The following API5 variants were observed in gnomAD, a reference collection of about 807,000 sequenced individuals.
API5 encodes FIF.
API5 carries 6 observed loss-of-function variants against 71.9 expected under a neutral mutation model. That is an observed-to-expected ratio of 0.08 (90% CI 0.05 to 0.16). The LOEUF is 0.16. Among genes scored for constraint, API5 ranks in the 10% least tolerant of loss-of-function variants. The pLI, the probability that API5 is intolerant of heterozygous loss-of-function variation, is 1.00. For missense variants in API5, 332 were observed against 612.8 expected, an observed-to-expected ratio of 0.54 and a Z score of 4.84; for synonymous variants, 189 against 221.3, an observed-to-expected ratio of 0.85 and a Z score of 1.30.
chr11:43,320,740 AAAAAAG>A, intron 2 of API5, 75 bp from the exon 3 acceptor site: 11 of 1,276,708 alleles, frequency 8.6e-6, no homozygotes, highest in African/African-American at 6.0e-5. Flanking sequence ...TTAAAAAAAA[AAAAAAG>A]AAAGAAAAGA....
chr11:43,312,123 T>C lies in API5; in HGVS notation c.-5T>C. 1 of 1,613,598 alleles carries C rather than the reference T, an allele frequency of 6.2e-7. No homozygotes were observed. The highest frequency in any genetic ancestry group is 8.5e-7 in the Non-Finnish European group (1 of 1,179,900). ...CGGAACCGGGCCCTGGGCTTGTCGC[T>C]CACCATGCCGACAGTAGAGGAGCTT... is the stretch of plus-strand genomic sequence containing the variant. On this transcript the variant is annotated 5_prime_UTR_variant, in exon 1 of 14. Transcript: ENST00000531273.
chr11:43,326,645 G>T (rs1238546980), intron 7 of API5, 34 bp downstream of exon 7: 1 of 1,174,648 alleles, frequency 8.5e-7, no homozygotes, highest in Non-Finnish European at 1.3e-6. Flanking sequence ...CACTGATAAG[G>T]CATTCTTATA....
At position 43,335,854 on chromosome 11, in the gene API5, A is replaced by T; in HGVS notation, c.1356-4A>T. ...TTGAATTGCTCTTCTTCCTATTGTTACAGGCAAAAGAGAGCCAGTGAAGAT... is the reference window on the plus strand; with the variant it reads ...TTGAATTGCTCTTCTTCCTATTGTTTCAGGCAAAAGAGAGCCAGTGAAGAT... On this transcript the variant is annotated splice_region_variant and splice_polypyrimidine_tract_variant and intron_variant, in intron 12 of 13. Coordinates refer to ENST00000531273, the MANE Select transcript of API5 (RefSeq NM_001142930.2). 6.3e-7 allele frequency: 1 copy of T among 1,599,528 alleles called. No individual in the cohort carries two copies. The highest frequency in any genetic ancestry group is 8.5e-7 in the Non-Finnish European group (1 of 1,176,320).
chr11:43,335,468 C>CTAAAT lies in API5; in HGVS notation c.1355+116_1355+117insAATTA, dbSNP rs1204678358. On this transcript the variant is annotated intron_variant, in intron 12 of 13. Coordinates refer to ENST00000531273, the MANE Select transcript of API5 (RefSeq NM_001142930.2). ...TTCATAATAGCATGTTTAAATATGA[C>CTAAAT]TATTAGAAATATGACTTAAAATGTA... The CTAAAT allele has an allele frequency of 7.8e-6, 5 of 644,978 alleles. 1 individual carries two copies. The highest frequency in any genetic ancestry group is 1.3e-5 in the Non-Finnish European group (5 of 380,486). 40.0% of individuals were successfully genotyped at this position (644,978 alleles called of 1,614,324 possible).
rs1590278574 is a variant in API5 at position 43,342,369 on chromosome 11, G to C, written c.1493-59G>C. On this transcript the variant is annotated intron_variant, in intron 13 of 13. Transcript: ENST00000531273. ...CAGAGTTATGAGCTACGTTTCTTCT[G>C]CGTTTGCTGCACCATGAAATCCTAA... is the stretch of plus-strand genomic sequence containing the variant. 9 of 1,434,828 alleles carry C rather than the reference G, an allele frequency of 6.3e-6. No individual in the cohort carries two copies. In the East Asian group the frequency reaches 2.1e-4, roughly 33 times the overall value. The allele number at this position is 1,434,828 out of a possible 1,614,324, so 88.9% of individuals were successfully genotyped here.
rs116822967 is a variant in API5, at chr11:43,339,971, G to A, written c.1493-2457G>A. Among the ~76,000 whole-genome samples, 729 of 152,140 alleles carry A rather than the reference G, an allele frequency of 4.8e-3. 7 individuals carry two copies. The highest frequency in any genetic ancestry group is 0.017 in the African/African-American group (693 of 41,534). ...GGTAGATAAGAGAAAGAAATAAAGG[G>A]CATCCAAACTAGAATGGAGAAGTCA... is the stretch of plus-strand genomic sequence containing the variant. On this transcript the variant is annotated intron_variant, in intron 13 of 13. Coordinates refer to ENST00000531273, the MANE Select transcript of API5 (RefSeq NM_001142930.2).
chr11:43,326,849 A>G (rs1448608196), intron 7 of API5, among the ~76,000 whole-genome samples: 1 of 152,210 alleles, frequency 6.6e-6, no homozygotes, highest in Non-Finnish European at 1.5e-5. Context: ...CTACTTTTGT[A>G]GCCTTAATAT....
At chr11:43,315,345 C>G (rs911806621) in intron 1 of API5, among the ~76,000 whole-genome samples, 5 of 152,056 alleles carry the variant, frequency 3.3e-5, no homozygotes, top group Non-Finnish European at 7.4e-5. Context: ...TTATTTATTT[C>G]TGTACTTAAA....
At chr11:43,329,843 C>T in intron 9 of API5, 122 bp from the exon 10 acceptor site, 1 of 737,352 alleles carries the variant, frequency 1.4e-6, no homozygotes, top group Non-Finnish European at 2.2e-6. Flanking sequence ...AAATTCTCTT[C>T]TTTAATTTAC....
chr11:43,334,283 G>A (rs573497825), intron 11 of API5, among the ~76,000 whole-genome samples: 209 of 151,998 alleles, frequency 1.4e-3, no homozygotes, highest in Non-Finnish European at 2.4e-3. Context: ...CAAACTATAC[G>A]CCATTTTCCT....
chr11:43,317,987 T>TG (rs1854731402), intron 1 of API5, among the ~76,000 whole-genome samples: 1 of 48,194 alleles, frequency 2.1e-5, no homozygotes, highest in Admixed American at 2.5e-4. Context: ...TCATTACAAT[T>TG]GTTTTGTTTG....
rs182203864 is a variant in API5, at chr11:43,339,396, T to G, written c.1493-3032T>G. On this transcript the variant is annotated intron_variant, in intron 13 of 13. Coordinates refer to ENST00000531273, the MANE Select transcript of API5 (RefSeq NM_001142930.2). ...GCTCTCTCTATTGTTGCTAACAAGA[T>G]TGCTATAATGAGGAAGTTTAGAAGT... is the stretch of plus-strand genomic sequence containing the variant. 3 of 152,270 alleles carry G rather than the reference T, an allele frequency of 2.0e-5. No individual in the cohort carries two copies. In the East Asian group the frequency reaches 5.8e-4, roughly 29 times the overall value. 9.4% of individuals were successfully genotyped at this position (152,270 alleles called of 1,614,324 possible). A position where few individuals can be genotyped will look rare whatever the true frequency, so the allele number is the denominator to read the frequency against.
chr11:43,321,351 T>C, intron 3 of API5, 60 bp from the exon 4 acceptor site: 1 of 1,379,880 alleles, frequency 7.2e-7, no homozygotes. Context: ...AGTTTGAAAC[T>C]GAAGCAGATG....
At chr11:43,324,608 G>A (rs1409372250) in intron 6 of API5, among the ~76,000 whole-genome samples, 1 of 152,026 alleles carries the variant, frequency 6.6e-6, no homozygotes, top group African/African-American at 2.4e-5. Flanking sequence ...TTAAGTAATA[G>A]AATTATCCCT....
At chr11:43,325,224 T>G (rs1482068922) in intron 6 of API5, among the ~76,000 whole-genome samples, 1 of 152,164 alleles carries the variant, frequency 6.6e-6, no homozygotes. Flanking sequence ...GACATCAGTT[T>G]GAAAAGAGCA....
At chr11:43,321,265 T>G in intron 3 of API5, 146 bp from the exon 4 acceptor site, 1 of 707,434 alleles carries the variant, frequency 1.4e-6, no homozygotes. Flanking sequence ...GGAACACGTA[T>G]CTTTTTGGTA....
At chr11:43,314,592 A>G (rs1452513498) in intron 1 of API5, among the ~76,000 whole-genome samples, 1 of 152,188 alleles carries the variant, frequency 6.6e-6, no homozygotes, top group East Asian at 1.9e-4. Flanking sequence ...CATGTACCAC[A>G]CACCCGGCTG....
rs371353181 is a variant in API5, at chr11:43,328,712, G to C, written c.946G>C (p.Glu316Gln). The C allele has an allele frequency of 1.2e-6, 2 of 1,612,870 alleles. No individual in the cohort carries two copies. Among genetic ancestry groups the C allele is most frequent in the African/African-American group, 2.7e-5 (2 of 74,810 alleles). The change falls in exon 9 of 14, where the codon GAA becomes CAA. Residue 316 changes from glutamate (E) to glutamine (Q), a missense_variant and splice_region_variant. Physicochemically the swap from Glu to Gln is conservative, Grantham distance 29 (BLOSUM62 2). Coordinates refer to ENST00000531273, the MANE Select transcript of API5 (RefSeq NM_001142930.2). ...AAATCTGTATATTTTTCTCTCTTAG[G>C]AATACATGCCCCTCCCTCCAGAAGA... ...NLRKLFDKLL[E>Q]YMPLPPEEAE... is the part of the protein sequence containing the mutation.
At chr11:43,339,754 C>T (rs1026005840) in intron 13 of API5, among the ~76,000 whole-genome samples, 18 of 152,152 alleles carry the variant, frequency 1.2e-4, no homozygotes, top group Non-Finnish European at 2.2e-4. Flanking sequence ...AGTCCAGTTG[C>T]GTGAAATACT....
Sources: allele counts gnomAD v4.1 joint callset (sites outside exome capture counted in the v4.1 genomes callset), GRCh38; gene constraint gnomAD v4.1.1; transcripts MANE v1.5; gene names NCBI Gene and HGNC (gene_info 2026-07-23, HGNC 2026-07-21).